DDAH1: variants seen among roughly 807,000 people sequenced by gnomAD.
The protein encoded by DDAH1 is N(G),N(G)-dimethylarginine dimethylaminohydrolase 1.
In DDAH1, 19 loss-of-function variants were observed where a neutral mutation model predicts 28.8. The ratio of observed to expected loss-of-function variants is 0.66; its 90% confidence interval spans 0.46 to 0.97. The LOEUF (loss-of-function observed/expected upper bound fraction) is 0.97, where lower values mean the gene tolerates loss of function less well. DDAH1 is among the 50% of genes least tolerant of loss of function. The pLI is 0.00. For synonymous variants in DDAH1, 153 were observed against 154.4 expected, an observed-to-expected ratio of 0.99 and a Z score of 0.07; for missense variants, 326 against 375.9, an observed-to-expected ratio of 0.87 and a Z score of 1.10.
chr1:85,420,886 TA>T, intron 1 of DDAH1, among the ~76,000 whole-genome samples: 1 of 152,328 alleles, frequency 6.6e-6, no homozygotes, highest in South Asian at 2.1e-4. Context: ...GGGTAATTTA[TA>T]AAGAAAAGAG....
intron 3 of DDAH1, 40 bp from the exon 4 acceptor site, chr1:85,350,574 G>T: frequency 6.2e-7 from 1 of 1,602,120 alleles, no homozygotes; most frequent in Non-Finnish European, 8.5e-7. Context: ...TAGTATTGCA[G>T]AATAATTCTA....
intron 2 of DDAH1, among the ~76,000 whole-genome samples, chr1:85,484,016 C>T (rs771317061): frequency 9.2e-5 from 14 of 151,996 alleles, no homozygotes; most frequent in Non-Finnish European, 1.9e-4. Context: ...ACCCAGTTTG[C>T]AAAGATTTAA....
intron 5 of DDAH1, among the ~76,000 whole-genome samples, chr1:85,322,332 G>A (rs1201980679): frequency 6.6e-6 from 1 of 152,182 alleles, no homozygotes; most frequent in East Asian, 1.9e-4. Context: ...AGGTTAAACT[G>A]CTTTTAAATT....
At chr1:85,378,419 G>GT (rs1234735000) in intron 1 of DDAH1, among the ~76,000 whole-genome samples, 7 of 151,982 alleles carry the variant, frequency 4.6e-5, no homozygotes, top group Non-Finnish European at 8.8e-5. Flanking sequence ...TATTTTTATT[G>GT]TTTTTTTGAG....
chr1:85,338,467 T>C (rs1176556142), intron 4 of DDAH1, among the ~76,000 whole-genome samples: 1 of 152,226 alleles, frequency 6.6e-6, no homozygotes, highest in East Asian at 1.9e-4. Context: ...TGAATGATTT[T>C]AGGTGACATT....
At chr1:85,474,077 A>G (rs978474355) in intron 2 of DDAH1, among the ~76,000 whole-genome samples, 1 of 152,246 alleles carries the variant, frequency 6.6e-6, no homozygotes, top group East Asian at 1.9e-4. Flanking sequence ...TAGTTGCTTA[A>G]GCCAGTAATC....
intron 1 of DDAH1, among the ~76,000 whole-genome samples, chr1:85,456,422 G>A (rs768891625): frequency 3.3e-5 from 5 of 152,138 alleles, no homozygotes; most frequent in Non-Finnish European, 5.9e-5. Flanking sequence ...ACTTTACAAT[G>A]GTGCAAAAGT....
intron 1 of DDAH1, among the ~76,000 whole-genome samples, chr1:85,537,682 C>G (rs1658338652): frequency 6.7e-6 from 1 of 149,806 alleles, no homozygotes; most frequent in Non-Finnish European, 1.5e-5. Flanking sequence ...TTCAAACAAA[C>G]AGTAATCATT....
intron 1 of DDAH1, among the ~76,000 whole-genome samples, chr1:85,421,425 T>C (rs4281359): frequency 6.6e-6 from 1 of 152,234 alleles, no homozygotes; most frequent in Admixed American, 6.5e-5. Context: ...TTTTATCACA[T>C]TCTACTTTCC....
At chr1:85,500,673 A>G (rs1461634620) in intron 1 of DDAH1, among the ~76,000 whole-genome samples, 1 of 152,030 alleles carries the variant, frequency 6.6e-6, no homozygotes, top group Non-Finnish European at 1.5e-5. Context: ...TTTCTCTTTC[A>G]TCTTTTTCTG....
chr1:85,526,068 G>A (rs1410055894), intron 1 of DDAH1, among the ~76,000 whole-genome samples: 1 of 152,202 alleles, frequency 6.6e-6, no homozygotes, highest in African/African-American at 2.4e-5. Flanking sequence ...TTTGAAGTCA[G>A]AAGGCTGTCT....
intron 2 of DDAH1, among the ~76,000 whole-genome samples, chr1:85,485,925 C>G (rs1004457859): frequency 6.6e-6 from 1 of 152,144 alleles, no homozygotes; most frequent in Non-Finnish European, 1.5e-5. Flanking sequence ...ACAACTGAAG[C>G]CCACCAAAAT....
chr1:85,537,404 A>G (rs1254912476), intron 1 of DDAH1, among the ~76,000 whole-genome samples: 4 of 151,668 alleles, frequency 2.6e-5, no homozygotes, highest in African/African-American at 7.3e-5. Context: ...AGCACATCAT[A>G]TTAAGTGAAA....
At chr1:85,486,774 T>C in intron 2 of DDAH1, among the ~76,000 whole-genome samples, 1 of 152,100 alleles carries the variant, frequency 6.6e-6, no homozygotes, top group East Asian at 1.9e-4. Flanking sequence ...AGAAGGGTAG[T>C]CCAGGCAATG....
chr1:85,516,161 A>G (rs1200730220), intron 1 of DDAH1, among the ~76,000 whole-genome samples: 6 of 151,944 alleles, frequency 3.9e-5, no homozygotes, highest in Non-Finnish European at 7.4e-5. Context: ...ATTCTGAGGT[A>G]CTGGGGGTTA....
At chr1:85,351,263 C>T (rs1649185788) in intron 3 of DDAH1, among the ~76,000 whole-genome samples, 1 of 152,052 alleles carries the variant, frequency 6.6e-6, no homozygotes, top group Admixed American at 6.5e-5. Context: ...TAATTATACA[C>T]TGGGAGAAGA....
chr1:85,371,303 G>A (rs1439026662), intron 1 of DDAH1, among the ~76,000 whole-genome samples: 1 of 152,190 alleles, frequency 6.6e-6, no homozygotes, highest in Non-Finnish European at 1.5e-5. Context: ...ACATTTTCTT[G>A]TTAAATTCAG....
At chr1:85,344,035 T>A (rs528706158) in intron 4 of DDAH1, among the ~76,000 whole-genome samples, 3 of 152,310 alleles carry the variant, frequency 2.0e-5, no homozygotes, top group Admixed American at 2.0e-4. Context: ...AGGAAGTAGA[T>A]AAGAAACCTA....
At chr1:85,433,187 T>C (rs1326370920) in intron 1 of DDAH1, among the ~76,000 whole-genome samples, 3 of 152,108 alleles carry the variant, frequency 2.0e-5, no homozygotes, top group Non-Finnish European at 2.9e-5. Context: ...TGATTTTTCA[T>C]GGAAAGAAAG....
Sources: gnomAD v4.1 joint callset for allele counts (sites outside exome capture counted in the v4.1 genomes callset) on GRCh38, gnomAD v4.1.1 for gene constraint, MANE v1.5 for transcripts, NCBI Gene and HGNC (gene_info 2026-07-23, HGNC 2026-07-21) for gene names.